The following POLA1 variants were observed in gnomAD, a reference collection of about 807,000 sequenced individuals.
POLA1 encodes DNA polymerase alpha catalytic subunit.
Under a neutral mutation model 124.0 loss-of-function variants are expected in POLA1, and 15 were observed. The observed-to-expected ratio is 0.12, with a 90% CI of 0.08 to 0.19. The LOEUF (loss-of-function observed/expected upper bound fraction) is 0.19. POLA1 is among the 10% of genes least tolerant of loss of function. POLA1 has a pLI of 1.00. For missense variants in POLA1, 886 were observed against 1,103.4 expected (o/e 0.80, Z 2.79); for synonymous variants, 408 against 389.4 (o/e 1.05, Z -0.56).
chrX:24,941,688 A>G (rs2047909822), intron 36 of POLA1, among the ~76,000 whole-genome samples: 2 of 112,505 alleles, frequency 1.8e-5, no homozygotes, highest in South Asian at 7.3e-4. Context: ...ATTTAGATCC[A>G]TCTGCATTCT....
chrX:24,964,738 CAATA>C (rs1294729285), intron 36 of POLA1, among the ~76,000 whole-genome samples: 2 of 112,311 alleles, frequency 1.8e-5, no homozygotes, highest in Non-Finnish European at 3.8e-5. Context: ...ATTAATATAT[CAATA>C]AAAGAGCATA....
intron 35 of POLA1, among the ~76,000 whole-genome samples, chrX:24,891,213 A>C (rs997401867): frequency 9.0e-6 from 1 of 111,726 alleles, no homozygotes; most frequent in Non-Finnish European, 1.9e-5. Flanking sequence ...TGTCCTTCTC[A>C]AAACTGCAGC....
chrX:24,844,863 A>C (rs1387984068), intron 34 of POLA1, among the ~76,000 whole-genome samples: 1 of 111,683 alleles, frequency 9.0e-6, no homozygotes, highest in Non-Finnish European at 1.9e-5. Context: ...GCACATGAAA[A>C]TTTAGGCCAA....
chrX:24,904,316 C>G (rs181377164), intron 35 of POLA1, among the ~76,000 whole-genome samples: 24 of 110,885 alleles, frequency 2.2e-4, no homozygotes, highest in Non-Finnish European at 4.2e-4. Context: ...TGCAGCACAG[C>G]GTAAAACCAA....
chrX:24,900,304 C>T (rs2047260440), intron 35 of POLA1, among the ~76,000 whole-genome samples: 1 of 111,648 alleles, frequency 9.0e-6, no homozygotes, highest in Non-Finnish European at 1.9e-5. Flanking sequence ...TATATTTAGA[C>T]GATATATTGT....
In POLA1 at chrX:24,843,617, A is replaced by G. The variant is rs1330905187; in HGVS notation, c.3987A>G (p.Thr1329=). 1.7e-6 allele frequency: 2 copies of G among 1,177,178 alleles called. No homozygotes were observed. Among genetic ancestry groups the G allele is most frequent in the Non-Finnish European group, 2.3e-6 (2 of 868,557 alleles). The part of the protein sequence containing the change: ...IDCKASPLTF[T]VQLSNKLIMD... Reference sequence around the variant, plus strand: ...GTAAGGCTTCACCTCTGACCTTTACAGTACAACTGAGCAACAAATTGATCA... The same window carrying G: ...GTAAGGCTTCACCTCTGACCTTTACGGTACAACTGAGCAACAAATTGATCA... The change falls in exon 34 of 37, where the codon ACA becomes ACG. Residue 1329 remains threonine, a synonymous_variant. Transcript: ENST00000379068.
At chrX:24,873,800 T>G (rs2046898077) in intron 34 of POLA1, among the ~76,000 whole-genome samples, 1 of 112,009 alleles carries the variant, frequency 8.9e-6, no homozygotes, top group Non-Finnish European at 1.9e-5. Flanking sequence ...ATATTTAAAA[T>G]TTAAAAAATT....
chrX:24,907,298 C>T (rs1028531778), intron 35 of POLA1, among the ~76,000 whole-genome samples: 1 of 110,826 alleles, frequency 9.0e-6, no homozygotes, highest in African/African-American at 3.3e-5. Context: ...ATCTGACAGT[C>T]ATGTCATTGG....
chrX:24,749,655 C>T lies in POLA1; in HGVS notation c.2964+663C>T, dbSNP rs1310077467. 2.7e-5 allele frequency among the ~76,000 whole-genome samples: 3 copies of T among 111,668 alleles called. No individual in the cohort carries two copies. The East Asian group carries it at 8.4e-4, about 31-fold the overall frequency. ...GGGAAAGAAGGATTAAGAATTCTGT[C>T]ATGGATGTGTTGCCTTTGGCATGAG... is the stretch of plus-strand genomic sequence containing the variant. On this transcript the variant is annotated intron_variant, in intron 26 of 36. Coordinates refer to ENST00000379068, the MANE Select transcript of POLA1 (RefSeq NM_001330360.2).
At chrX:24,709,976 C>T (rs1416343868) in intron 4 of POLA1, among the ~76,000 whole-genome samples, 34 of 90,849 alleles carry the variant, frequency 3.7e-4, no homozygotes, top group Middle Eastern at 4.7e-3. Flanking sequence ...CTCCTCACTT[C>T]CCAGACGGGG....
At chrX:24,895,688 TG>T (rs1419367741) in intron 35 of POLA1, among the ~76,000 whole-genome samples, 1 of 112,346 alleles carries the variant, frequency 8.9e-6, no homozygotes, top group East Asian at 2.8e-4. Flanking sequence ...TGTTCCATTG[TG>T]GGATTTTTGA....
intron 36 of POLA1, among the ~76,000 whole-genome samples, chrX:24,957,544 A>G: frequency 8.9e-6 from 1 of 111,870 alleles, no homozygotes; most frequent in East Asian, 2.8e-4. Flanking sequence ...GAATATCCGC[A>G]CTGTCTATAA....
Position 24,709,516 on chromosome X carries a change from G to A in POLA1, c.347-5038G>A, listed in dbSNP as rs1360341657. Among the ~76,000 whole-genome samples the A allele has an allele frequency of 5.5e-5, 6 of 109,619 alleles. No individual in the cohort carries two copies. In the South Asian group the frequency reaches 2.4e-3, roughly 44 times the overall value. On this transcript the variant is annotated intron_variant, in intron 4 of 36. Coordinates refer to ENST00000379068, the MANE Select transcript of POLA1 (RefSeq NM_001330360.2). Reference sequence around the variant, plus strand: ...CCCCCCCCACCTCCCTCCCGGACGGGGTGGCTGCCGGGCGGAGACGCTCCT... The same window carrying A: ...CCCCCCCCACCTCCCTCCCGGACGGAGTGGCTGCCGGGCGGAGACGCTCCT...
At chrX:24,905,562 C>CA (rs2047353844) in intron 35 of POLA1, among the ~76,000 whole-genome samples, 1 of 89,226 alleles carries the variant, frequency 1.1e-5, no homozygotes, top group African/African-American at 4.1e-5. Flanking sequence ...ACCCCCCCCC[C>CA]CTTTTTTTTT....
chrX:24,710,128 T>C (rs1220306592), intron 4 of POLA1, among the ~76,000 whole-genome samples: 1 of 110,943 alleles, frequency 9.0e-6, no homozygotes, highest in Non-Finnish European at 1.9e-5. Context: ...TTTTTTTTTT[T>C]TTTTACTGTG....
chrX:24,936,545 T>G (rs1408640758), intron 36 of POLA1, among the ~76,000 whole-genome samples: 2 of 111,906 alleles, frequency 1.8e-5, no homozygotes, highest in Non-Finnish European at 3.8e-5. Flanking sequence ...TTTTGGTTTT[T>G]TTTTGAGACG....
At chrX:24,727,709 C>A in intron 14 of POLA1, 73 bp from the exon 15 acceptor site, 3 of 842,145 alleles carry the variant, frequency 3.6e-6, no homozygotes, top group Non-Finnish European at 5.1e-6. Context: ...CAGTTAATGA[C>A]AGATGTCTTA....
intron 34 of POLA1, among the ~76,000 whole-genome samples, chrX:24,873,062 T>G (rs1357304001): frequency 2.7e-5 from 3 of 111,391 alleles, no homozygotes; most frequent in Non-Finnish European, 3.8e-5. Context: ...GTCCATAGTT[T>G]ATGTTGAGGT....
Position 24,930,474 on chromosome X carries a change from A to G in POLA1, c.4186A>G (p.Thr1396Ala), listed in dbSNP as rs1391549421. 1 of 1,189,002 alleles carries G rather than the reference A, an allele frequency of 8.4e-7. No individual in the cohort carries two copies. The highest frequency in any genetic ancestry group is 1.8e-5 in the South Asian group (1 of 56,449). The change falls in exon 36 of 37, where the codon ACC becomes GCC. Residue 1396 changes from threonine (T) to alanine (A), a missense_variant. Thr to Ala is a moderately conservative substitution (Grantham distance 58). Around this residue, in one of 7 missense-constraint regions of POLA1, gnomAD observed 313 missense variants for 359.7 expected, o/e 0.87. Transcript: ENST00000379068. The part of the protein sequence containing the change: ...QPEYSDKSLY[T>A]QLCFYRYIFD... ...ACAGTATTCTGACAAGTCCCTGTACACCCAGCTGTGCTTTTACCGGTACAT... is the reference window on the plus strand; with the variant it reads ...ACAGTATTCTGACAAGTCCCTGTACGCCCAGCTGTGCTTTTACCGGTACAT...
Sources: allele counts gnomAD v4.1 joint callset (sites outside exome capture counted in the v4.1 genomes callset), GRCh38; gene constraint gnomAD v4.1.1; regional missense constraint gnomAD v4.1.1; transcripts MANE v1.5; gene names NCBI Gene and HGNC (gene_info 2026-07-23, HGNC 2026-07-21).